The following NFIA variants were observed in gnomAD, a reference collection of about 807,000 sequenced individuals.
NFIA encodes the protein nuclear factor I A, also known as nuclear factor 1 A-type.
NFIA carries 8 observed loss-of-function variants against 62.8 expected under a neutral mutation model. The observed-to-expected ratio is 0.13, with a 90% CI of 0.07 to 0.23. The LOEUF (loss-of-function observed/expected upper bound fraction) is 0.23, where lower values mean the gene tolerates loss of function less well. Ranked by LOEUF, NFIA falls within the 10% of genes least tolerant of loss-of-function variation. The pLI is 1.00. For synonymous variants in NFIA, 235 were observed against 238.1 expected (o/e 0.99, Z 0.12); for missense variants, 410 against 642.1 (o/e 0.64, Z 3.91).
upstream of NFIA, chr1:61,082,145 A>T: frequency 1.3e-6 from 1 of 781,202 alleles, no homozygotes; most frequent in Non-Finnish European, 1.8e-6. Context: ...GCTGCCCGGG[A>T]GTACAGACTG....
chr1:61,081,973 G>C (rs1175585635), upstream of NFIA: 3 of 1,550,656 alleles, frequency 1.9e-6, no homozygotes, highest in South Asian at 3.6e-5. Flanking sequence ...CCTCCTCCTC[G>C]GTTCTCTACG....
intron 3 of NFIA, among the ~76,000 whole-genome samples, chr1:61,290,615 A>T (rs1420917550): frequency 6.6e-6 from 1 of 152,176 alleles, no homozygotes; most frequent in Non-Finnish European, 1.5e-5. Context: ...CTTCAGTAGG[A>T]TCCTAAACAA....
At chr1:61,449,520 C>T (rs1191562915) in intron 10 of NFIA, among the ~76,000 whole-genome samples, 1 of 152,208 alleles carries the variant, frequency 6.6e-6, no homozygotes, top group Non-Finnish European at 1.5e-5. Flanking sequence ...GACATCTAAT[C>T]TTAGAACCCA....
intron 2 of NFIA, among the ~76,000 whole-genome samples, chr1:61,175,499 T>C (rs139897774): frequency 6.6e-6 from 1 of 152,302 alleles, no homozygotes; most frequent in African/African-American, 2.4e-5. Context: ...GGAAAAACTA[T>C]TATTGAATGT....
chr1:61,155,245 G>A (rs1431133023), intron 2 of NFIA, among the ~76,000 whole-genome samples: 1 of 152,130 alleles, frequency 6.6e-6, no homozygotes, highest in African/African-American at 2.4e-5. Context: ...AAGTGTAAAG[G>A]TATACTTTCT....
intron 2 of NFIA, among the ~76,000 whole-genome samples, chr1:61,244,980 A>T (rs1655554380): frequency 1.3e-5 from 2 of 152,166 alleles, no homozygotes; most frequent in African/African-American, 4.8e-5. Flanking sequence ...TTCTTCATTA[A>T]ATACTTTCAG....
At chr1:61,297,354 G>A (rs779811685) in intron 3 of NFIA, among the ~76,000 whole-genome samples, 6 of 152,138 alleles carry the variant, frequency 3.9e-5, no homozygotes, top group Non-Finnish European at 7.4e-5. Flanking sequence ...AGGGCTGAGT[G>A]TGATTGTCTT....
chr1:61,080,703 T>G (rs969453148), upstream of NFIA, among the ~76,000 whole-genome samples: 21 of 152,356 alleles, frequency 1.4e-4, no homozygotes, highest in African/African-American at 5.1e-4. Context: ...CATTAAAGGC[T>G]GAAATCATTA....
At chr1:61,258,466 G>A (rs1411412517) in intron 2 of NFIA, among the ~76,000 whole-genome samples, 1 of 152,050 alleles carries the variant, frequency 6.6e-6, no homozygotes, top group Non-Finnish European at 1.5e-5. Flanking sequence ...CTTTATTTTT[G>A]TTGCTCTTCT....
At chr1:61,450,837 G>T (rs1403578442) in intron 10 of NFIA, among the ~76,000 whole-genome samples, 1 of 152,172 alleles carries the variant, frequency 6.6e-6, no homozygotes, top group Non-Finnish European at 1.5e-5. Flanking sequence ...CCTTTTAGGG[G>T]TTAAAGTAAA....
At chr1:61,429,629 A>T (rs1427402681) in intron 10 of NFIA, among the ~76,000 whole-genome samples, 2 of 152,256 alleles carry the variant, frequency 1.3e-5, no homozygotes, top group Non-Finnish European at 2.9e-5. Context: ...TGGTTGTAGC[A>T]GCATTCTCCA....
intron 10 of NFIA, among the ~76,000 whole-genome samples, chr1:61,448,530 A>G (rs2100585044): frequency 6.6e-6 from 1 of 152,338 alleles, no homozygotes; most frequent in South Asian, 2.1e-4. Context: ...AGTAGCCCCT[A>G]GCCAGGCATT....
intron 2 of NFIA, among the ~76,000 whole-genome samples, chr1:61,263,609 A>G (rs917074499): frequency 6.6e-6 from 1 of 152,140 alleles, no homozygotes; most frequent in Non-Finnish European, 1.5e-5. Context: ...AGGAATATTT[A>G]CCTCCTGATA....
At chr1:61,391,572 A>G (rs1290425482) in intron 7 of NFIA, among the ~76,000 whole-genome samples, 1 of 152,032 alleles carries the variant, frequency 6.6e-6, no homozygotes, top group Non-Finnish European at 1.5e-5. Context: ...TTTAATTAAG[A>G]TCTACCTTGA....
intron 9 of NFIA, among the ~76,000 whole-genome samples, chr1:61,414,966 T>C (rs1666286084): frequency 6.6e-6 from 1 of 152,198 alleles, no homozygotes. Flanking sequence ...CTACTCTTAG[T>C]TTAAAGTCTG....
chr1:61,432,220 T>A (rs1667126039), intron 10 of NFIA, among the ~76,000 whole-genome samples: 1 of 9,182 alleles, frequency 1.1e-4, no homozygotes, highest in South Asian at 5.2e-3. Flanking sequence ...CTTTTCCCTA[T>A]TTTTTTTTTT....
At chr1:61,350,492 C>T (rs972507739) in intron 4 of NFIA, among the ~76,000 whole-genome samples, 1 of 152,030 alleles carries the variant, frequency 6.6e-6, no homozygotes, top group African/African-American at 2.4e-5. Flanking sequence ...AAAAATTAGC[C>T]GGGTGTGGCG....
intron 3 of NFIA, among the ~76,000 whole-genome samples, chr1:61,312,437 G>A (rs573990189): frequency 5.3e-5 from 8 of 152,040 alleles, no homozygotes; most frequent in Non-Finnish European, 8.8e-5. Flanking sequence ...CTAAATTGTG[G>A]TTTTTAGTGA....
intron 3 of NFIA, among the ~76,000 whole-genome samples, chr1:61,320,923 A>G (rs1660648682): frequency 6.6e-6 from 1 of 152,144 alleles, no homozygotes; most frequent in African/African-American, 2.4e-5. Flanking sequence ...TAGTATATGT[A>G]AAAGTTCATA....
Sources: gnomAD v4.1 joint callset for allele counts (sites outside exome capture counted in the v4.1 genomes callset) on GRCh38, gnomAD v4.1.1 for gene constraint, MANE v1.5 for transcripts, NCBI Gene and HGNC (gene_info 2026-07-23, HGNC 2026-07-21) for gene names.